SLC2A9: variants seen among roughly 807,000 people sequenced by gnomAD.
The protein encoded by SLC2A9 is solute carrier family 2, facilitated glucose transporter member 9.
Under a neutral mutation model 50.6 loss-of-function variants are expected in SLC2A9, and 39 were observed. That is an observed-to-expected ratio of 0.77 (90% CI 0.60 to 1.01). The LOEUF (loss-of-function observed/expected upper bound fraction) is 1.01, where lower values mean the gene tolerates loss of function less well. Ranked by LOEUF, SLC2A9 falls within the 50% of genes least tolerant of loss-of-function variation. SLC2A9 has a pLI of 0.00. For synonymous variants in SLC2A9, 324 were observed against 276.9 expected, an observed-to-expected ratio of 1.17 and a Z score of -1.69; for missense variants, 686 against 677.6, an observed-to-expected ratio of 1.01 and a Z score of -0.14.
chr4:9,989,132 C>G (rs1447914770), intron 3 of SLC2A9, among the ~76,000 whole-genome samples: 1 of 152,166 alleles, frequency 6.6e-6, no homozygotes, highest in East Asian at 1.9e-4. Context: ...TCCTGCATAC[C>G]CAGCTTGAAT....
chr4:10,023,056 A>G (rs1270944642), upstream of SLC2A9, among the ~76,000 whole-genome samples: 5 of 152,236 alleles, frequency 3.3e-5, no homozygotes, highest in East Asian at 9.6e-4. Flanking sequence ...ATCCTTAATT[A>G]TAACATGACC....
At chr4:9,842,146 C>A (rs1728179203) in intron 10 of SLC2A9, among the ~76,000 whole-genome samples, 1 of 152,180 alleles carries the variant, frequency 6.6e-6, no homozygotes, top group Middle Eastern at 3.4e-3. Context: ...TTTAACGACT[C>A]TTTTCCTGCT....
chr4:9,983,430 T>C (rs1756216242), intron 4 of SLC2A9, among the ~76,000 whole-genome samples: 1 of 152,240 alleles, frequency 6.6e-6, no homozygotes, highest in Non-Finnish European at 1.5e-5. Context: ...CTTTCTCCTT[T>C]GGCTGCTGTT....
At chr4:9,774,210 T>C (rs1717215706) in intron 1 of SLC2A9, among the ~76,000 whole-genome samples, 1 of 152,100 alleles carries the variant, frequency 6.6e-6, no homozygotes, top group African/African-American at 2.4e-5. Context: ...GTCAGGCTGG[T>C]CTTGAGCTCC....
intron 1 of SLC2A9, among the ~76,000 whole-genome samples, chr4:9,771,793 G>T (rs112452164): frequency 1.6e-4 from 25 of 152,294 alleles, no homozygotes; most frequent in African/African-American, 6.0e-4. Flanking sequence ...GGTGTGCATT[G>T]GTGTGGGGTT....
chr4:9,901,002 A>G (rs1160452533), intron 8 of SLC2A9, among the ~76,000 whole-genome samples: 3 of 152,220 alleles, frequency 2.0e-5, no homozygotes, highest in Non-Finnish European at 2.9e-5. Flanking sequence ...TATCAACGAG[A>G]GTCCACATTT....
chr4:9,980,741 TAG>T lies in SLC2A9; in HGVS notation c.536-6_536-5del. On this transcript the variant is annotated splice_polypyrimidine_tract_variant and splice_region_variant and intron_variant, in intron 4 of 11. Transcript: ENST00000264784. ...GGGAGCACACTGAGGGCGACGCCTGTAGAGAGAAAGCATAGCAGCAGTTAGAG... is the reference window on the plus strand; with the variant it reads ...GGGAGCACACTGAGGGCGACGCCTGTAGAGAAAGCATAGCAGCAGTTAGAG... 1 of 1,614,154 alleles carries T rather than the reference TAG, an allele frequency of 6.2e-7. No individual in the cohort carries two copies. The highest frequency in any genetic ancestry group is 8.5e-7 in the Non-Finnish European group (1 of 1,180,006).
intron 2 of SLC2A9, among the ~76,000 whole-genome samples, chr4:10,016,980 C>G (rs35866697): frequency 6.6e-6 from 1 of 151,702 alleles, no homozygotes; most frequent in Non-Finnish European, 1.5e-5. Context: ...TCACACGCTA[C>G]TAACTTCCTA....
intron 10 of SLC2A9, among the ~76,000 whole-genome samples, chr4:9,842,818 A>C (rs142974934): frequency 1.3e-5 from 2 of 152,274 alleles, no homozygotes; most frequent in East Asian, 1.9e-4. Context: ...CTTCTTTGCT[A>C]TCTTGTTTGA....
At chr4:9,869,753 C>G (rs995881076) in intron 10 of SLC2A9, among the ~76,000 whole-genome samples, 3 of 152,254 alleles carry the variant, frequency 2.0e-5, no homozygotes, top group Non-Finnish European at 2.9e-5. Context: ...TAGGATCTAA[C>G]TTGAATGAAC....
At chr4:9,968,667 G>T (rs887189926) in intron 5 of SLC2A9, among the ~76,000 whole-genome samples, 2 of 152,020 alleles carry the variant, frequency 1.3e-5, no homozygotes, top group African/African-American at 4.8e-5. Context: ...TCATAGCCTT[G>T]GATATACATT....
chr4:9,795,381 G>C (rs769008470), downstream of SLC2A9, among the ~76,000 whole-genome samples: 1 of 152,178 alleles, frequency 6.6e-6, no homozygotes, highest in Non-Finnish European at 1.5e-5. Context: ...TGAGCAGTGA[G>C]AAAACTTGCT....
At chr4:9,796,265 G>A (rs555682551), downstream of SLC2A9, among the ~76,000 whole-genome samples, 29 of 152,284 alleles carry the variant, frequency 1.9e-4, no homozygotes, top group African/African-American at 6.5e-4. Flanking sequence ...GTTACTGAGC[G>A]CATTTGCCTG....
intron 10 of SLC2A9, among the ~76,000 whole-genome samples, chr4:9,885,674 A>G (rs750621472): frequency 5.9e-5 from 9 of 152,218 alleles, no homozygotes; most frequent in Non-Finnish European, 1.3e-4. Context: ...TCAGGATAAG[A>G]TTGTGAACCA....
intron 3 of SLC2A9, among the ~76,000 whole-genome samples, chr4:9,815,202 C>G (rs1723406026): frequency 6.6e-6 from 1 of 152,148 alleles, no homozygotes; most frequent in African/African-American, 2.4e-5. Context: ...GGGAAAGCAC[C>G]AGAACTCCAG....
chr4:9,810,688 GA>G (rs1261876393), intron 3 of SLC2A9, among the ~76,000 whole-genome samples: 1 of 152,234 alleles, frequency 6.6e-6, no homozygotes, highest in Non-Finnish European at 1.5e-5. Context: ...GCTGCTGAGG[GA>G]TTATGGAATG....
intron 3 of SLC2A9, among the ~76,000 whole-genome samples, chr4:9,790,702 G>A (rs1719804186): frequency 6.6e-6 from 1 of 152,150 alleles, no homozygotes; most frequent in Admixed American, 6.5e-5. Context: ...TTAAAATATT[G>A]ATGTCTGGGG....
At position 9,881,396 on chromosome 4, in the gene SLC2A9, A is replaced by G. The variant is rs548200243; in HGVS notation, c.1291+6171T>C. On this transcript the variant is annotated intron_variant, in intron 10 of 11. Transcript: ENST00000264784. ...ATGGTTTATTTAAGGTTCGTTTGACATGAACTTCTTCCTATATTCTGGCAG... is the reference window on the plus strand; with the variant it reads ...ATGGTTTATTTAAGGTTCGTTTGACGTGAACTTCTTCCTATATTCTGGCAG... 2.6e-5 allele frequency among the ~76,000 whole-genome samples: 4 copies of G among 152,324 alleles called. No individual in the cohort carries two copies. The East Asian group carries it at 7.7e-4, about 29-fold the overall frequency.
chr4:9,885,807 A>T (rs1736097259), intron 10 of SLC2A9, among the ~76,000 whole-genome samples: 1 of 152,214 alleles, frequency 6.6e-6, no homozygotes, highest in South Asian at 2.1e-4. Context: ...TTTTACTGGG[A>T]CACAACCATG....
Sources: gnomAD v4.1 joint callset for allele counts (sites outside exome capture counted in the v4.1 genomes callset) on GRCh38, gnomAD v4.1.1 for gene constraint, MANE v1.5 for transcripts, NCBI Gene and HGNC (gene_info 2026-07-23, HGNC 2026-07-21) for gene names.